Variants in LARP4B observed in about 807,000 individuals in gnomAD.
The protein encoded by LARP4B is La ribonucleoprotein 4B.
Under a neutral mutation model 89.8 loss-of-function variants are expected in LARP4B, and 12 were observed. That is an observed-to-expected ratio of 0.13 (90% CI 0.09 to 0.22). LARP4B has a LOEUF of 0.22. Ranked by LOEUF, LARP4B falls within the 10% of genes least tolerant of loss-of-function variation. LARP4B has a pLI of 1.00. For synonymous variants in LARP4B, 367 were observed against 363.3 expected (o/e 1.01, Z -0.12); for missense variants, 757 against 947.7 (o/e 0.80, Z 2.64).
intron 1 of LARP4B, among the ~76,000 whole-genome samples, chr10:892,868 T>A (rs931215689): frequency 1.3e-5 from 2 of 150,954 alleles, no homozygotes; most frequent in African/African-American, 4.9e-5. Flanking sequence ...GGACAGCTAT[T>A]TACGCAGAAA....
At chr10:828,700 T>C (rs1289498534) in intron 11 of LARP4B, among the ~76,000 whole-genome samples, 1 of 152,226 alleles carries the variant, frequency 6.6e-6, no homozygotes, top group Non-Finnish European at 1.5e-5. Context: ...CCTGCATTGC[T>C]ACCTCATGCA....
chr10:959,382 C>CCACCTCCCCATCAAT, the LARP4B span, among the ~76,000 whole-genome samples: 2 of 139,460 alleles, frequency 1.4e-5, 1 homozygote, highest in African/African-American at 5.8e-5. Context: ...CCTCATCAAT[C>CCACCTCCCCATCAAT]CCACCTCCTC....
At chr10:924,774 A>T (rs1419086596) in intron 1 of LARP4B, among the ~76,000 whole-genome samples, 2 of 152,216 alleles carry the variant, frequency 1.3e-5, no homozygotes, top group African/African-American at 4.8e-5. Context: ...ATGTCAGTGC[A>T]CTGCACTTTC....
chr10:878,446 C>G (rs143703402), intron 3 of LARP4B, among the ~76,000 whole-genome samples: 28 of 152,070 alleles, frequency 1.8e-4, no homozygotes, highest in African/African-American at 6.0e-4. Context: ...ACTCATGTAT[C>G]TCATCTACAC....
intron 1 of LARP4B, among the ~76,000 whole-genome samples, chr10:908,527 G>A (rs1016837940): frequency 8.7e-5 from 13 of 150,148 alleles, no homozygotes; most frequent in Admixed American, 5.3e-4. Flanking sequence ...GTAGGGATGA[G>A]CCCTCATTCT....
chr10:936,703 CAA>C (rs1402645824), upstream of LARP4B, among the ~76,000 whole-genome samples: 5 of 152,084 alleles, frequency 3.3e-5, no homozygotes, highest in African/African-American at 1.2e-4. Context: ...GTCTGGGCAA[CAA>C]GAGTGAAACT....
chr10:830,642 T>C (rs556788958), intron 9 of LARP4B, among the ~76,000 whole-genome samples: 37 of 152,376 alleles, frequency 2.4e-4, no homozygotes, highest in Admixed American at 7.8e-4. Context: ...GTTGCTTAGC[T>C]TGTTGTCCTT....
rs757684620 is a variant in LARP4B at position 825,824 on chromosome 10, G to A, written c.1172C>T (p.Pro391Leu). The stretch of plus-strand genomic sequence containing the variant: ...AGGAGACGCCGCAGGCTTGAACGCT[G>A]GAGACGTAAACCCATTTATAAATCC... ...NTGFINGFTS[P>L]AFKPAASPLT... The change falls in exon 12 of 18, where the codon CCA (proline) becomes CTA (leucine). Residue 391 changes from proline to leucine, a missense_variant. Physicochemically the swap from Pro to Leu is moderately conservative, Grantham distance 98. Around this residue, in one of 5 missense-constraint regions of LARP4B, gnomAD observed 137 missense variants for 213.9 expected, o/e 0.64. Coordinates refer to ENST00000316157, the MANE Select transcript of LARP4B (RefSeq NM_015155.3). 22 of 1,613,592 alleles carry A rather than the reference G, an allele frequency of 1.4e-5. No individual in the cohort carries two copies.
the LARP4B span, among the ~76,000 whole-genome samples, chr10:959,070 T>A: frequency 6.6e-6 from 1 of 152,028 alleles, no homozygotes; most frequent in Non-Finnish European, 1.5e-5. Flanking sequence ...GGTTGCCGAG[T>A]CCCTGGAGAT....
Position 885,776 on chromosome 10 carries a change from G to A in LARP4B, c.-39-16C>T. On this transcript the variant is annotated splice_polypyrimidine_tract_variant and intron_variant, in intron 1 of 17. Transcript: ENST00000316157. ...CCTCAGGATGCTGTAAAATGGCAAA[G>A]ACATTAAACAGGTCATTTGAAGGGC... 7.4e-7 allele frequency: 1 copy of A among 1,347,668 alleles called. No individual in the cohort carries two copies. Among genetic ancestry groups the A allele is most frequent in the Middle Eastern group, 1.8e-4 (1 of 5,544 alleles). 83.5% of individuals were successfully genotyped at this position (1,347,668 alleles called of 1,614,324 possible). A position where few individuals can be genotyped will look rare whatever the true frequency, so the allele number is the denominator to read the frequency against.
At chr10:878,032 A>C (rs1267275212) in intron 3 of LARP4B, among the ~76,000 whole-genome samples, 1 of 152,224 alleles carries the variant, frequency 6.6e-6, no homozygotes, top group African/African-American at 2.4e-5. Flanking sequence ...TAAGCCTCAA[A>C]GACTTCTGGG....
Position 863,829 on chromosome 10 carries a change from T to A in LARP4B, c.344A>T (p.Asp115Val). The A allele has an allele frequency of 1.9e-6, 3 of 1,614,072 alleles. No homozygotes were observed. Among genetic ancestry groups the A allele is most frequent in the Non-Finnish European group, 2.5e-6 (3 of 1,180,016 alleles). Residue 115 changes from aspartate to valine, a missense_variant, in exon 5 of 18, where the codon GAC becomes GTC. Physicochemically the swap from Asp to Val is radical, Grantham distance 152. This residue lies in a region of LARP4B where 175 missense variants were observed against 187.0 expected (regional missense o/e 0.94). Transcript: ENST00000316157. ...DQGHENAALP[D>V]PQESDPADMN... ...GTCTGCTGGGTCCGACTCCTGCGGG[T>A]CTGGCAATGCGGCATTCTCATGGCC...
intron 14 of LARP4B, chr10:819,085 T>G (rs549029346): frequency 3.9e-5 from 6 of 152,364 alleles, no homozygotes; most frequent in Admixed American, 3.9e-4. Context: ...GGCTGTTGTA[T>G]GCTCTCTGTA....
intron 5 of LARP4B, among the ~76,000 whole-genome samples, chr10:860,119 T>C (rs1405876977): frequency 1.7e-4 from 3 of 17,660 alleles, no homozygotes; most frequent in Non-Finnish European, 3.2e-4. Context: ...GCCATGCATG[T>C]GTGGGGGTGG....
At chr10:905,284 AGT>A (rs1365137236) in intron 1 of LARP4B, among the ~76,000 whole-genome samples, 4 of 152,250 alleles carry the variant, frequency 2.6e-5, no homozygotes, top group Non-Finnish European at 4.4e-5. Context: ...GCCATTTAAC[AGT>A]GTTATAAGTG....
the LARP4B span, among the ~76,000 whole-genome samples, chr10:952,374 G>T: frequency 7.6e-6 from 1 of 131,336 alleles, no homozygotes; most frequent in Non-Finnish European, 1.6e-5. Flanking sequence ...GGAAGAAATC[G>T]CAGCAGTCCA....
At position 814,608 on chromosome 10, in the gene LARP4B, A is replaced by AAC; in HGVS notation, c.1929+132_1929+133dup. The AAC allele has an allele frequency of 1.9e-6, 3 of 1,543,004 alleles. No homozygotes were observed. The highest frequency in any genetic ancestry group is 2.6e-6 in the Non-Finnish European group (3 of 1,140,812). On this transcript the variant is annotated intron_variant, in intron 17 of 17. Coordinates refer to ENST00000316157, the MANE Select transcript of LARP4B (RefSeq NM_015155.3). The surrounding 1 kb of genome is among the most constrained non-coding windows in gnomAD (Gnocchi z 4.4). ...TAAAGGTATTTTGTACAGAAAACAC[A>AAC]ACACAGACAGACGCAAATAAAAACC...
intron 11 of LARP4B, among the ~76,000 whole-genome samples, chr10:827,138 T>C (rs1438586953): frequency 5.9e-5 from 9 of 151,788 alleles, no homozygotes; most frequent in African/African-American, 1.4e-4. Flanking sequence ...TATCCGGGCG[T>C]AGTGGCGGGC....
chr10:833,996 T>C (rs1000502181), intron 8 of LARP4B, among the ~76,000 whole-genome samples: 1 of 150,804 alleles, frequency 6.6e-6, no homozygotes, highest in Non-Finnish European at 1.5e-5. Flanking sequence ...CACAAATGGG[T>C]TGGTTAAAAG....
Sources: gnomAD v4.1 joint callset for allele counts (sites outside exome capture counted in the v4.1 genomes callset) on GRCh38, gnomAD v4.1.1 for gene constraint, gnomAD v4.1.1 regional missense constraint, Gnocchi (gnomAD v3.1) non-coding constraint, MANE v1.5 for transcripts, NCBI Gene and HGNC (gene_info 2026-07-23, HGNC 2026-07-21) for gene names.